Variants in NRG1 observed in about 807,000 individuals in gnomAD.
The protein encoded by NRG1 is neuregulin 1.
Under a neutral mutation model 63.8 loss-of-function variants are expected in NRG1, and 18 were observed. The observed-to-expected ratio is 0.28, with a 90% CI of 0.19 to 0.42. The LOEUF is 0.42. Ranked by LOEUF, NRG1 falls within the 10% of genes least tolerant of loss-of-function variation. NRG1 has a pLI of 1.00. For missense variants in NRG1, 762 were observed against 814.7 expected, an observed-to-expected ratio of 0.94 and a Z score of 0.79; for synonymous variants, 302 against 301.3, an observed-to-expected ratio of 1.00 and a Z score of -0.02.
intron 1 of NRG1, among the ~76,000 whole-genome samples, chr8:31,677,467 A>C (rs1024347746): frequency 1.3e-5 from 2 of 152,036 alleles, no homozygotes; most frequent in African/African-American, 4.8e-5. Context: ...CATTTTTCTA[A>C]CTTAATTGTC....
At chr8:31,732,879 G>A (rs1311605544) in intron 1 of NRG1, among the ~76,000 whole-genome samples, 1 of 152,126 alleles carries the variant, frequency 6.6e-6, no homozygotes, top group Admixed American at 6.5e-5. Context: ...AAGCCTGGGT[G>A]TAAGAGTGAG....
chr8:31,659,647 T>C (rs1280210830), intron 1 of NRG1, among the ~76,000 whole-genome samples: 2 of 151,948 alleles, frequency 1.3e-5, no homozygotes, highest in East Asian at 1.9e-4. Flanking sequence ...CAAAACAAAC[T>C]CCCCAATCTG....
intron 1 of NRG1, among the ~76,000 whole-genome samples, chr8:31,799,203 T>A (rs1037557801): frequency 3.3e-5 from 5 of 152,116 alleles, no homozygotes; most frequent in African/African-American, 1.2e-4. Flanking sequence ...AACTTTTTAT[T>A]CAATAGTGTC....
chr8:32,657,414 C>T (rs1457309867), intron 5 of NRG1, among the ~76,000 whole-genome samples: 3 of 152,198 alleles, frequency 2.0e-5, no homozygotes, highest in Admixed American at 2.0e-4. Context: ...ACTTCTCTCT[C>T]CCACCCTGCT....
At chr8:31,643,944 A>G (rs1804045862) in intron 1 of NRG1, among the ~76,000 whole-genome samples, 1 of 152,324 alleles carries the variant, frequency 6.6e-6, no homozygotes. Flanking sequence ...ATTTTATATC[A>G]TATGATGGTA....
At chr8:32,414,296 G>C in intron 1 of NRG1, among the ~76,000 whole-genome samples, 1 of 152,128 alleles carries the variant, frequency 6.6e-6, no homozygotes, top group East Asian at 1.9e-4. Flanking sequence ...CACAAGATGA[G>C]TCTGTTCAGC....
At chr8:32,734,597 CAT>C (rs766782283) in intron 6 of NRG1, among the ~76,000 whole-genome samples, 14 of 152,162 alleles carry the variant, frequency 9.2e-5, no homozygotes, top group Non-Finnish European at 1.9e-4. Context: ...TGGTGGGACT[CAT>C]GTGGATCTAG....
chr8:32,191,078 C>A (rs908822841), intron 1 of NRG1, among the ~76,000 whole-genome samples: 1 of 151,338 alleles, frequency 6.6e-6, no homozygotes, highest in Non-Finnish European at 1.5e-5. Context: ...ACAAAGTTAT[C>A]AGTTATTAGA....
chr8:32,141,463 A>G (rs981756639), intron 1 of NRG1, among the ~76,000 whole-genome samples: 2 of 151,334 alleles, frequency 1.3e-5, no homozygotes, highest in Non-Finnish European at 2.9e-5. Context: ...CCAGGGAAAC[A>G]TTTTGCATCC....
chr8:31,788,240 A>C (rs1325969985), intron 1 of NRG1, among the ~76,000 whole-genome samples: 1 of 152,160 alleles, frequency 6.6e-6, no homozygotes, highest in Non-Finnish European at 1.5e-5. Flanking sequence ...GAGCTCTGTT[A>C]ACATTTTGAG....
chr8:32,598,798 T>C (rs1750614975), intron 2 of NRG1, among the ~76,000 whole-genome samples: 1 of 152,136 alleles, frequency 6.6e-6, no homozygotes, highest in African/African-American at 2.4e-5. Flanking sequence ...TGTCTTTTTA[T>C]AAAGAAGAGC....
chr8:32,405,895 C>T (rs979273496), intron 1 of NRG1, among the ~76,000 whole-genome samples: 1 of 152,100 alleles, frequency 6.6e-6, no homozygotes, highest in African/African-American at 2.4e-5. Context: ...ACTCTGTGAA[C>T]AAATATCCTC....
intron 1 of NRG1, among the ~76,000 whole-genome samples, chr8:32,576,899 G>A (rs1839747460): frequency 6.6e-6 from 1 of 151,932 alleles, no homozygotes; most frequent in South Asian, 2.1e-4. Flanking sequence ...TGAGGTTTAG[G>A]GTACGAATGA....
rs184684330 is a variant in NRG1, at chr8:32,372,783, G to A, written c.38-223045G>A. On this transcript the variant is annotated intron_variant, in intron 1 of 10. Coordinates refer to the NRG1 transcript ENST00000519301. ...AGACAGTGTGGATTATCTGCCACCC[G>A]AACTGAAGTTTCAATCACTCAAATC... 5.2e-4 allele frequency among the ~76,000 whole-genome samples: 79 copies of A among 152,218 alleles called. 1 individual carries two copies. In the East Asian group the frequency reaches 8.3e-3, roughly 16 times the overall value.
At chr8:32,273,502 G>A (rs906542822) in intron 1 of NRG1, among the ~76,000 whole-genome samples, 1 of 152,088 alleles carries the variant, frequency 6.6e-6, no homozygotes, top group East Asian at 1.9e-4. Flanking sequence ...GATTTTAGGG[G>A]ATAAAAAACC....
chr8:31,922,599 A>G (rs1563571148), intron 1 of NRG1, among the ~76,000 whole-genome samples: 2 of 152,320 alleles, frequency 1.3e-5, no homozygotes, highest in African/African-American at 2.4e-5. Flanking sequence ...CCTTTGACCT[A>G]TCTGTGGAAG....
chr8:32,440,592 G>C (rs1473312108), intron 1 of NRG1, among the ~76,000 whole-genome samples: 1 of 152,088 alleles, frequency 6.6e-6, no homozygotes, highest in Admixed American at 6.6e-5. Flanking sequence ...ATTTGTGAAC[G>C]TGTAAGTCAA....
At chr8:31,714,334 T>G (rs1477727400) in intron 1 of NRG1, among the ~76,000 whole-genome samples, 1 of 152,330 alleles carries the variant, frequency 6.6e-6, no homozygotes, top group East Asian at 1.9e-4. Flanking sequence ...TATTAAGATT[T>G]TTTTTGTATT....
chr8:32,762,039 A>AG (rs1830793087), intron 11 of NRG1, among the ~76,000 whole-genome samples: 1 of 7,398 alleles, frequency 1.4e-4, no homozygotes, highest in Non-Finnish European at 2.5e-3. Context: ...ACTCCGCCTC[A>AG]AAAAAAAAAA....
Sources: gnomAD v4.1 joint callset for allele counts (sites outside exome capture counted in the v4.1 genomes callset) on GRCh38, gnomAD v4.1.1 for gene constraint, MANE v1.5 for transcripts, NCBI Gene and HGNC (gene_info 2026-07-23, HGNC 2026-07-21) for gene names.